Variants in TDRD6 observed in about 807,000 individuals in gnomAD.
The protein encoded by TDRD6 is tudor domain-containing protein 6.
TDRD6 carries 186 observed loss-of-function variants against 157.5 expected under a neutral mutation model. The ratio of observed to expected loss-of-function variants is 1.18; its 90% CI spans 1.05 to 1.33. The LOEUF (loss-of-function observed/expected upper bound fraction) is 1.33, where lower values mean the gene tolerates loss of function less well. TDRD6 is among the 40% of genes most tolerant of loss of function. TDRD6 has a pLI of 0.00. For synonymous variants in TDRD6, 1,075 were observed against 945.2 expected, an observed-to-expected ratio of 1.14 and a Z score of -2.52; for missense variants, 3,066 against 2,508.0, an observed-to-expected ratio of 1.22 and a Z score of -4.75.
upstream of TDRD6, among the ~76,000 whole-genome samples, chr6:46,683,390 TTTTTG>T (rs1209073644): frequency 2.6e-5 from 4 of 152,052 alleles, no homozygotes; most frequent in African/African-American, 7.2e-5. Flanking sequence ...GTTTTGTGGG[TTTTTG>T]TTTTGTTTTT....
chr6:46,702,887 A>C lies in TDRD6; in HGVS notation c.*1000A>C, dbSNP rs1279802065. On this transcript the variant is annotated 3_prime_UTR_variant, in exon 4 of 4. Coordinates refer to ENST00000316081, the MANE Select transcript of TDRD6 (RefSeq NM_001010870.3). ...CTTCATCTGTAAAGTGGTGATAATA[A>C]AACCTTTCTTGCAGTGTTTTTTTAA... 2 of 152,154 alleles carry C rather than the reference A, an allele frequency of 1.3e-5. No individual in the cohort carries two copies. The highest frequency in any genetic ancestry group is 2.9e-5 in the Non-Finnish European group (2 of 67,988). 9.4% of individuals were successfully genotyped at this position (152,154 alleles called of 1,614,324 possible).
chr6:46,693,981 C>G lies in TDRD6; in HGVS notation c.5853C>G (p.Asp1951Glu). ...CAAGTTGTGTAGAATCTTTTGATGA[C>G]CAGCGCAGGATGTCATTGCATCTAC... ...RKSSCVESFD[D>E]QRRMSLHLHG... Residue 1951 changes from aspartate to glutamate, a missense_variant, in exon 1 of 4, where the codon GAC becomes GAG. Coordinates refer to ENST00000316081, the MANE Select transcript of TDRD6 (RefSeq NM_001010870.3). 6.2e-7 allele frequency: 1 copy of G among 1,613,608 alleles called. No homozygotes were observed. Among genetic ancestry groups the G allele is most frequent in the Non-Finnish European group, 8.5e-7 (1 of 1,179,820 alleles).
intron 2 of TDRD6, among the ~76,000 whole-genome samples, chr6:46,696,571 GTGTGTGTGTGTA>G (rs1480306464): frequency 3.2e-5 from 2 of 63,400 alleles, no homozygotes; most frequent in African/African-American, 6.8e-5. Context: ...GTGTGTGTGT[GTGTGTGTGTGTA>G]TATATATATA....
chr6:46,693,003 G>T lies in TDRD6; in HGVS notation c.4875G>T (p.Leu1625=). The change falls in exon 1 of 4, where the codon CTG becomes CTT. Residue 1625 remains leucine, a synonymous_variant. Transcript: ENST00000316081. ...KALWAIPSEL[L]SVPMQAFPCC... ...TCTGGGCCATTCCTTCTGAACTTCT[G>T]TCGGTTCCCATGCAAGCCTTTCCAT... The T allele has an allele frequency of 2.5e-6, 4 of 1,612,712 alleles. No homozygotes were observed. The highest frequency in any genetic ancestry group is 3.4e-6 in the Non-Finnish European group (4 of 1,179,268).
At position 46,688,726 on chromosome 6, in the gene TDRD6, G is replaced by A; in HGVS notation, c.598G>A (p.Val200Met). ...QMRELGLARRVPDSLFRSLLE... is the reference protein window; with the variant it reads ...QMRELGLARRMPDSLFRSLLE... Reference sequence around the variant, plus strand: ...GCGGGAGCTGGGCCTGGCTCGGCGGGTGCCCGACAGCCTCTTCCGTTCGCT... The same window carrying A: ...GCGGGAGCTGGGCCTGGCTCGGCGGATGCCCGACAGCCTCTTCCGTTCGCT... Residue 200 changes from valine (V) to methionine (M), a missense_variant, in exon 1 of 4, where the codon GTG becomes ATG. Val to Met is a conservative substitution (Grantham distance 21). Coordinates refer to ENST00000316081, the MANE Select transcript of TDRD6 (RefSeq NM_001010870.3). 2 of 1,599,708 alleles carry A rather than the reference G, an allele frequency of 1.3e-6. No homozygotes were observed. The highest frequency in any genetic ancestry group is 1.3e-5 in the African/African-American group (1 of 75,040).
In TDRD6 at chr6:46,695,881, G is replaced by C. The variant is rs1360496487; in HGVS notation, c.6107G>C (p.Trp2036Ser). Residue 2036 changes from tryptophan (W) to serine (S), a missense_variant, in exon 2 of 4, where the codon TGG becomes TCG. Trp to Ser is a radical substitution (Grantham distance 177). Transcript: ENST00000316081. ...AFTVGSKCVV[W>S]SSLRNTWSKC... ...ACTGTTGGATCTAAATGTGTTGTGT[G>C]GTCAAGTCTAAGAAACACATGGTCT... The C allele has an allele frequency of 6.2e-7, 1 of 1,613,564 alleles. No homozygotes were observed. The highest frequency in any genetic ancestry group is 8.5e-7 in the Non-Finnish European group (1 of 1,179,710).
chr6:46,697,766 T>C (rs1764532637), intron 2 of TDRD6, among the ~76,000 whole-genome samples: 1 of 152,152 alleles, frequency 6.6e-6, no homozygotes, highest in Admixed American at 6.5e-5. Flanking sequence ...TGTGCGCCTG[T>C]AGTCCCAGTT....
upstream of TDRD6, among the ~76,000 whole-genome samples, chr6:46,685,334 A>G (rs772823058): frequency 5.3e-5 from 8 of 152,196 alleles, no homozygotes; most frequent in Non-Finnish European, 1.2e-4. Context: ...AACAAAGTCA[A>G]TTAGTAGTAT....
intron 3 of TDRD6, chr6:46,701,007 C>A: frequency 2.2e-6 from 1 of 455,558 alleles, no homozygotes; most frequent in Non-Finnish European, 4.5e-6. Context: ...AGGCTGTATC[C>A]CAAAGAGTAG....
In TDRD6 at chr6:46,692,218, C is replaced by T. The variant is rs760273898; in HGVS notation, c.4090C>T (p.Pro1364Ser). 2 of 1,613,954 alleles carry T rather than the reference C, an allele frequency of 1.2e-6. No homozygotes were observed. Among genetic ancestry groups the T allele is most frequent in the Non-Finnish European group, 1.7e-6 (2 of 1,179,964 alleles). Residue 1364 changes from proline (P) to serine (S), a missense_variant, in exon 1 of 4, where the codon CCA (proline) becomes TCA (serine). Coordinates refer to ENST00000316081, the MANE Select transcript of TDRD6 (RefSeq NM_001010870.3). The part of the protein sequence containing the change: ...QRGDMICAVF[P>S]EDNLWYRAVI... ...AGGAGATATGATATGTGCTGTTTTC[C>T]CAGAAGATAATTTATGGTATCGTGC...
chr6:46,698,763 A>G lies in TDRD6; in HGVS notation c.6261+676A>G, dbSNP rs562870067. Among the ~76,000 whole-genome samples, 108 of 152,288 alleles carry G rather than the reference A, an allele frequency of 7.1e-4. No individual in the cohort carries two copies. The South Asian group carries it at 0.022, about 30-fold the overall frequency. On this transcript the variant is annotated intron_variant, in intron 3 of 3. Transcript: ENST00000316081. ...TTTCTTGGTTCTTTGTATGTTGAGT[A>G]ATTTTGGATTATATCCTGAACATTT...
In TDRD6 at chr6:46,695,898, A is replaced by C. The variant is rs770958278; in HGVS notation, c.6124A>C (p.Thr2042Pro). ...KCVVWSSLRN[T>P]WSKCEILETA... ...TGTTGTGTGGTCAAGTCTAAGAAAC[A>C]CATGGTCTAAATGTGAGATTTTAGA... Residue 2042 changes from threonine (T) to proline (P), a missense_variant, in exon 2 of 4, where the codon ACA (threonine) becomes CCA (proline). Transcript: ENST00000316081. 3.8e-5 allele frequency: 61 copies of C among 1,613,600 alleles called. No homozygotes were observed. The highest frequency in any genetic ancestry group is 5.0e-5 in the Non-Finnish European group (59 of 1,179,758).
At position 46,704,130 on chromosome 6, in the gene TDRD6, A is replaced by G. The variant is rs1764698061; in HGVS notation, c.*2243A>G. 5.3e-6 allele frequency: 1 copy of G among 188,072 alleles called. No homozygotes were observed. Among genetic ancestry groups the G allele is most frequent in the African/African-American group, 2.4e-5 (1 of 41,836 alleles). The allele number at this position is 188,072 out of a possible 1,614,324, so 11.7% of individuals were successfully genotyped here. ...TTGCTATAATTAAACTCCACTGCCC[A>G]TAGTAGATAATAAAAGGCAAGAAAT... On this transcript the variant is annotated 3_prime_UTR_variant, in exon 4 of 4. Coordinates refer to ENST00000316081, the MANE Select transcript of TDRD6 (RefSeq NM_001010870.3).
chr6:46,697,926 T>C (rs1211260899), intron 2 of TDRD6, 72 bp from the exon 3 acceptor site: 1 of 791,296 alleles, frequency 1.3e-6, no homozygotes, highest in East Asian at 2.6e-5. Context: ...ATTTTTAAAA[T>C]AATTGCTCTG....
rs1764670633 is a variant in TDRD6 at position 46,703,377 on chromosome 6, C to G, written c.*1490C>G. On this transcript the variant is annotated 3_prime_UTR_variant, in exon 4 of 4. Transcript: ENST00000316081. The stretch of plus-strand genomic sequence containing the variant: ...TGGAATAATGAATAGACAAGTTTGG[C>G]TTACTCATATAGATAATATAATGTG... The G allele has an allele frequency of 6.6e-6, 1 of 151,996 alleles. No individual in the cohort carries two copies. Among genetic ancestry groups the G allele is most frequent in the African/African-American group, 2.4e-5 (1 of 41,400 alleles). 9.4% of individuals were successfully genotyped at this position (151,996 alleles called of 1,614,324 possible).
At chr6:46,687,819 C>G (rs1452529397), upstream of TDRD6, 8 of 333,618 alleles carry the variant, frequency 2.4e-5, no homozygotes, top group Admixed American at 2.0e-4. Context: ...TAGGCCAACC[C>G]CAGGCCTCGG....
chr6:46,694,793 A>G (rs186177534), intron 1 of TDRD6, among the ~76,000 whole-genome samples: 263 of 152,330 alleles, frequency 1.7e-3, no homozygotes, highest in African/African-American at 6.1e-3. Context: ...TGTGTTGGTA[A>G]GTTTTATAAA....
chr6:46,694,248 G>A (rs917497691), intron 1 of TDRD6, 74 bp downstream of exon 1: 1 of 1,137,362 alleles, frequency 8.8e-7, no homozygotes, highest in African/African-American at 1.6e-5. Context: ...TGTCACCTAG[G>A]CTGGAGTGCA....
chr6:46,694,774 A>C (rs1433926364), intron 1 of TDRD6, among the ~76,000 whole-genome samples: 1 of 152,184 alleles, frequency 6.6e-6, no homozygotes, highest in Non-Finnish European at 1.5e-5. Context: ...ATTTATAATC[A>C]AGAGGGCATG....
Sources: gnomAD v4.1 joint callset for allele counts (sites outside exome capture counted in the v4.1 genomes callset) on GRCh38, gnomAD v4.1.1 for gene constraint, MANE v1.5 for transcripts, NCBI Gene and HGNC (gene_info 2026-07-23, HGNC 2026-07-21) for gene names.